Variants in NSMCE2 observed in about 807,000 individuals in gnomAD.
NSMCE2 encodes the protein NSE2 SUMO ligase component of SMC5/6 complex.
NSMCE2 carries 24 observed loss-of-function variants against 23.8 expected under a neutral mutation model. That is an observed-to-expected ratio of 1.01 (90% CI 0.73 to 1.42). The LOEUF (loss-of-function observed/expected upper bound fraction) is 1.42, where lower values mean the gene tolerates loss of function less well. Among genes scored for constraint, NSMCE2 ranks in the 40% most tolerant of loss-of-function variants. The pLI, the probability that NSMCE2 is intolerant of heterozygous loss-of-function variation, is 0.00. For synonymous variants in NSMCE2, 92 were observed against 94.1 expected, an observed-to-expected ratio of 0.98 and a Z score of 0.13; for missense variants, 284 against 296.5, an observed-to-expected ratio of 0.96 and a Z score of 0.31.
chr8:125,211,882 A>G (rs980422850), intron 5 of NSMCE2, among the ~76,000 whole-genome samples: 5 of 152,148 alleles, frequency 3.3e-5, no homozygotes, highest in African/African-American at 4.8e-5. Flanking sequence ...ATCTTAGATA[A>G]TCTTATATTT....
rs78655708 is a variant in NSMCE2 at position 125,160,214 on chromosome 8, A to G, written c.264+8937A>G. Among the ~76,000 whole-genome samples, 298 of 152,288 alleles carry G rather than the reference A, an allele frequency of 2.0e-3. 3 individuals carry two copies. The East Asian group carries it at 0.044, about 23-fold the overall frequency. On this transcript the variant is annotated intron_variant, in intron 4 of 7. Transcript: ENST00000287437. ...GTAGGGATGATAATTTAGGTCACAG[A>G]GTTTCATTAAGGATGAAAGTGATAG...
At chr8:125,114,454 C>T (rs574153938) in intron 3 of NSMCE2, among the ~76,000 whole-genome samples, 1 of 152,192 alleles carries the variant, frequency 6.6e-6, no homozygotes, top group Non-Finnish European at 1.5e-5. Context: ...TATACCCACA[C>T]CCATGTTCAT....
At chr8:125,114,192 G>A (rs1280201023) in intron 3 of NSMCE2, among the ~76,000 whole-genome samples, 1 of 151,640 alleles carries the variant, frequency 6.6e-6, no homozygotes, top group Admixed American at 6.6e-5. Flanking sequence ...TTTTTCTCTC[G>A]ACTGTTTAAT....
intron 5 of NSMCE2, among the ~76,000 whole-genome samples, chr8:125,218,408 T>A (rs775064465): frequency 6.8e-6 from 1 of 147,774 alleles, no homozygotes; most frequent in Non-Finnish European, 1.5e-5. Context: ...TTCTGAAAAA[T>A]TGAGGGTTTT....
intron 4 of NSMCE2, among the ~76,000 whole-genome samples, chr8:125,152,477 C>G (rs1221878038): frequency 6.6e-6 from 1 of 152,096 alleles, no homozygotes; most frequent in Non-Finnish European, 1.5e-5. Context: ...GGGTGAAAAC[C>G]ACTGACTTAA....
Position 125,184,380 on chromosome 8 carries a change from A to C in NSMCE2, c.418+2124A>C, listed in dbSNP as rs186849694. On this transcript the variant is annotated intron_variant, in intron 5 of 7. Transcript: ENST00000287437. ...ATCTCTCTAAAATGGAGTTGGAAAA[A>C]GAAAGAAAATGTTTCCTCAGGCCAC... is the stretch of plus-strand genomic sequence containing the variant. Among the ~76,000 whole-genome samples the C allele has an allele frequency of 2.9e-4, 44 of 152,288 alleles. 1 individual carries two copies. The highest frequency in any genetic ancestry group is 1.2e-3 in the East Asian group (6 of 5,190).
chr8:125,294,844 T>C (rs1416436201), intron 5 of NSMCE2, among the ~76,000 whole-genome samples: 1 of 152,236 alleles, frequency 6.6e-6, no homozygotes, highest in African/African-American at 2.4e-5. Context: ...TGACATTTAC[T>C]GGATAATCCA....
At chr8:125,208,492 A>G (rs914101442) in intron 5 of NSMCE2, among the ~76,000 whole-genome samples, 4 of 152,242 alleles carry the variant, frequency 2.6e-5, no homozygotes, top group African/African-American at 7.2e-5. Flanking sequence ...ACCAAGGACT[A>G]TGCTTTAATC....
chr8:125,223,806 CT>C (rs777644019), intron 5 of NSMCE2, among the ~76,000 whole-genome samples: 1,851 of 107,948 alleles, frequency 0.017, 6 homozygotes, highest in African/African-American at 0.021. Context: ...GGTCCTTTGC[CT>C]TTTTTTTTTT....
chr8:125,298,697 GTTT>G (rs56972472), intron 5 of NSMCE2, among the ~76,000 whole-genome samples: 1 of 68,384 alleles, frequency 1.5e-5, no homozygotes, highest in Admixed American at 1.9e-4. Flanking sequence ...GTTTTTTTTT[GTTT>G]TTTTTTTTTT....
At chr8:125,309,984 C>T (rs1828917456) in intron 5 of NSMCE2, among the ~76,000 whole-genome samples, 1 of 152,196 alleles carries the variant, frequency 6.6e-6, no homozygotes, top group South Asian at 2.1e-4. Context: ...AACATGTAAG[C>T]TGGCAGGCTG....
At chr8:125,271,571 C>T (rs559748262) in intron 5 of NSMCE2, among the ~76,000 whole-genome samples, 1 of 152,116 alleles carries the variant, frequency 6.6e-6, no homozygotes, top group Non-Finnish European at 1.5e-5. Flanking sequence ...CTGATTCAGT[C>T]CCTGACATGA....
chr8:125,187,544 C>T (rs1476024359), intron 5 of NSMCE2, among the ~76,000 whole-genome samples: 2 of 152,166 alleles, frequency 1.3e-5, no homozygotes, highest in East Asian at 1.9e-4. Flanking sequence ...ATCAGGAGAA[C>T]TTAATTAGAA....
At chr8:125,256,513 C>T (rs1034963549) in intron 5 of NSMCE2, among the ~76,000 whole-genome samples, 12 of 152,082 alleles carry the variant, frequency 7.9e-5, no homozygotes, top group Non-Finnish European at 1.2e-4. Flanking sequence ...GTTGGAAATA[C>T]ATGTCAAAAA....
chr8:125,192,762 C>A (rs1200489659), intron 5 of NSMCE2, among the ~76,000 whole-genome samples: 1 of 152,064 alleles, frequency 6.6e-6, no homozygotes, highest in African/African-American at 2.4e-5. Flanking sequence ...TGGATTCTAC[C>A]CACTCTGGCA....
intron 4 of NSMCE2, among the ~76,000 whole-genome samples, chr8:125,179,282 A>T (rs1370330913): frequency 6.6e-6 from 1 of 152,168 alleles, no homozygotes; most frequent in East Asian, 1.9e-4. Flanking sequence ...AGGCTACAGT[A>T]AACTGTGATC....
At chr8:125,175,600 A>G (rs1822446890) in intron 4 of NSMCE2, among the ~76,000 whole-genome samples, 1 of 152,150 alleles carries the variant, frequency 6.6e-6, no homozygotes, top group Non-Finnish European at 1.5e-5. Flanking sequence ...TACAGGAATG[A>G]CTAATTTTAT....
intron 3 of NSMCE2, among the ~76,000 whole-genome samples, chr8:125,113,710 C>T (rs1449398412): frequency 6.6e-6 from 1 of 152,176 alleles, no homozygotes; most frequent in Non-Finnish European, 1.5e-5. Context: ...TCATTTCCCC[C>T]GTCATCCTCT....
chr8:125,155,992 C>G (rs1468298489), intron 4 of NSMCE2: 2 of 452,120 alleles, frequency 4.4e-6, no homozygotes, highest in Admixed American at 4.8e-5. Flanking sequence ...AAATATATAT[C>G]CTCTCAGCTA....
Sources: gnomAD v4.1 joint callset for allele counts (sites outside exome capture counted in the v4.1 genomes callset) on GRCh38, gnomAD v4.1.1 for gene constraint, MANE v1.5 for transcripts, NCBI Gene and HGNC (gene_info 2026-07-23, HGNC 2026-07-21) for gene names.